The following ARL15 variants were observed in gnomAD, a reference collection of about 807,000 sequenced individuals.
ARL15 encodes the protein ADP-ribosylation factor-like protein 15.
In ARL15, 19 loss-of-function variants were observed where a neutral mutation model predicts 25.2. That is an observed-to-expected ratio of 0.75 (90% CI 0.53 to 1.10). ARL15 has a LOEUF of 1.10. Among genes scored for constraint, ARL15 ranks in the 50% least tolerant of loss-of-function variants. ARL15 has a pLI of 0.00. For synonymous variants in ARL15, 94 were observed against 86.8 expected (o/e 1.08, Z -0.46); for missense variants, 220 against 246.0 (o/e 0.89, Z 0.71).
chr5:54,094,817 T>C (rs1293850322), intron 4 of ARL15, among the ~76,000 whole-genome samples: 1 of 152,198 alleles, frequency 6.6e-6, no homozygotes, highest in Non-Finnish European at 1.5e-5. Flanking sequence ...CAAGTATTTA[T>C]GAGCATCTAC....
intron 4 of ARL15, among the ~76,000 whole-genome samples, chr5:54,029,717 G>A (rs1178153801): frequency 1.3e-5 from 2 of 152,118 alleles, no homozygotes; most frequent in Non-Finnish European, 2.9e-5. Context: ...AGAATGGCTG[G>A]GCGCGGTGGC....
intron 1 of ARL15, among the ~76,000 whole-genome samples, chr5:54,231,872 T>C (rs1414770585): frequency 6.6e-6 from 1 of 152,110 alleles, no homozygotes; most frequent in Non-Finnish European, 1.5e-5. Flanking sequence ...TCCCTCCATA[T>C]AGACCCTATC....
At chr5:53,926,329 G>A (rs941528934) in intron 4 of ARL15, among the ~76,000 whole-genome samples, 2 of 152,066 alleles carry the variant, frequency 1.3e-5, no homozygotes, top group African/African-American at 4.8e-5. Flanking sequence ...GGCAGGGGCT[G>A]CCCAGTGGAA....
At chr5:54,053,709 C>T (rs115386764) in intron 4 of ARL15, among the ~76,000 whole-genome samples, 451 of 152,172 alleles carry the variant, frequency 3.0e-3, no homozygotes, top group African/African-American at 9.4e-3. Context: ...TATTGAGAGG[C>T]GCTCTATAAA....
At chr5:54,111,050 A>G (rs1752724677) in intron 4 of ARL15, among the ~76,000 whole-genome samples, 1 of 152,020 alleles carries the variant, frequency 6.6e-6, no homozygotes, top group African/African-American at 2.4e-5. Flanking sequence ...CATAAACTTC[A>G]AGACTTATAA....
chr5:54,031,760 C>T (rs1352161964), intron 4 of ARL15, among the ~76,000 whole-genome samples: 2 of 152,006 alleles, frequency 1.3e-5, no homozygotes, highest in South Asian at 2.1e-4. Context: ...CCCGAGACTT[C>T]GCAAAATGCA....
chr5:53,954,041 T>C (rs1747061682), intron 4 of ARL15, among the ~76,000 whole-genome samples: 1 of 151,218 alleles, frequency 6.6e-6, no homozygotes. Context: ...TAGTTGAATA[T>C]GTATCGGTAC....
intron 4 of ARL15, among the ~76,000 whole-genome samples, chr5:54,041,861 T>C (rs1750352346): frequency 6.6e-6 from 1 of 152,206 alleles, no homozygotes; most frequent in Non-Finnish European, 1.5e-5. Context: ...GAGGGCTATG[T>C]AGCTATGTAT....
chr5:54,251,413 G>A (rs763865891), intron 1 of ARL15, among the ~76,000 whole-genome samples: 1 of 150,118 alleles, frequency 6.7e-6, no homozygotes, highest in Non-Finnish European at 1.5e-5. Context: ...TTTTTAAAAA[G>A]TAATTGAATA....
chr5:53,993,165 T>C (rs1216021126), intron 4 of ARL15, among the ~76,000 whole-genome samples: 5 of 152,220 alleles, frequency 3.3e-5, no homozygotes, highest in African/African-American at 2.4e-5. Context: ...CACATTTTCG[T>C]CTAGGAAACA....
chr5:54,004,494 C>CAA (rs10587860), intron 4 of ARL15, among the ~76,000 whole-genome samples: 13,678 of 126,008 alleles, frequency 0.11, 880 homozygotes, highest in African/African-American at 0.19. Flanking sequence ...GACTGTGTCT[C>CAA]AAAAAAAAAA....
intron 1 of ARL15, among the ~76,000 whole-genome samples, chr5:54,210,700 T>A (rs1214945742): frequency 6.6e-6 from 1 of 152,250 alleles, no homozygotes; most frequent in Non-Finnish European, 1.5e-5. Context: ...CTGCTGTTGC[T>A]ATTATTTGAA....
At chr5:54,095,820 A>G (rs1449584475) in intron 4 of ARL15, among the ~76,000 whole-genome samples, 2 of 152,198 alleles carry the variant, frequency 1.3e-5, no homozygotes, top group Non-Finnish European at 2.9e-5. Flanking sequence ...AAAAACATAA[A>G]AAAAACATCC....
At position 53,991,753 on chromosome 5, in the gene ARL15, GAATCTCCCACGTAGTGGGAGAGTGATT is replaced by G. The variant is rs1249290289; in HGVS notation, c.463-105067_463-105041del. 1.6e-4 allele frequency among the ~76,000 whole-genome samples: 24 copies of G among 152,086 alleles called. No homozygotes were observed. The East Asian group carries it at 4.5e-3, about 28-fold the overall frequency. ...AGGTTCCCAAATTTTCTTGATTCAT[GAATCTCCCACGTAGTGGGAGAGTGATT>G]AATCTCCCACTATGGTGGTGTCTTT... On this transcript the variant is annotated intron_variant, in intron 4 of 4. Transcript: ENST00000504924.
At chr5:53,957,884 G>A (rs1252621874) in intron 4 of ARL15, among the ~76,000 whole-genome samples, 1 of 152,110 alleles carries the variant, frequency 6.6e-6, no homozygotes, top group Non-Finnish European at 1.5e-5. Flanking sequence ...TTTTAAATTT[G>A]TAACTCCTCT....
chr5:54,009,982 AAAAAAC>A (rs1368002539), intron 4 of ARL15, among the ~76,000 whole-genome samples: 4 of 152,154 alleles, frequency 2.6e-5, no homozygotes, highest in African/African-American at 9.7e-5. Context: ...TTACTGAGGA[AAAAAAC>A]AAAAACAAAA....
chr5:53,997,968 A>C (rs888030501), intron 4 of ARL15, among the ~76,000 whole-genome samples: 2 of 151,900 alleles, frequency 1.3e-5, no homozygotes, highest in African/African-American at 4.8e-5. Context: ...CCTCACCTTA[A>C]ACACTGGCCT....
At chr5:54,065,761 A>G (rs950311510) in intron 4 of ARL15, among the ~76,000 whole-genome samples, 6 of 152,260 alleles carry the variant, frequency 3.9e-5, no homozygotes, top group African/African-American at 1.2e-4. Flanking sequence ...TGTACATTAC[A>G]TTTCAAAGAC....
At chr5:54,154,994 G>A (rs927632574) in intron 2 of ARL15, among the ~76,000 whole-genome samples, 3 of 152,080 alleles carry the variant, frequency 2.0e-5, no homozygotes, top group Admixed American at 1.3e-4. Flanking sequence ...GGTGGCACAC[G>A]CCTGTAATCC....
Sources: allele counts gnomAD v4.1 joint callset (sites outside exome capture counted in the v4.1 genomes callset), GRCh38; gene constraint gnomAD v4.1.1; transcripts MANE v1.5; gene names NCBI Gene and HGNC (gene_info 2026-07-23, HGNC 2026-07-21).